The following LYST variants were observed in gnomAD, a reference collection of about 807,000 sequenced individuals.
LYST encodes the protein lysosomal-trafficking regulator.
A neutral mutation model predicts 413.6 loss-of-function variants in LYST; 192 were observed. The observed-to-expected ratio is 0.46, with a 90% CI of 0.41 to 0.52. The LOEUF is 0.52. Ranked by LOEUF, LYST falls within the 20% of genes least tolerant of loss-of-function variation. The pLI is 0.00. For synonymous variants in LYST, 1,525 were observed against 1,567.3 expected (o/e 0.97, Z 0.64); for missense variants, 3,815 against 4,499.9 (o/e 0.85, Z 4.35).
rs986431615 is a variant in LYST at position 235,812,711 on chromosome 1, C to T, written c.283+260G>A. 2.4e-4 allele frequency among the ~76,000 whole-genome samples: 37 copies of T among 152,236 alleles called. 1 individual carries two copies. The highest frequency in any genetic ancestry group is 7.9e-4 in the African/African-American group (33 of 41,540). The stretch of plus-strand genomic sequence containing the variant: ...ATGTTATGCTGCACACCTAGACTCA[C>T]TCCTTCTGATAAGTGTTTCTGCTTC... On this transcript the variant is annotated intron_variant, in intron 4 of 52. Transcript: ENST00000389793.
At position 235,697,423 on chromosome 1, in the gene LYST, C is replaced by T; in HGVS notation, c.10375-151G>A. On this transcript the variant is annotated intron_variant, in intron 45 of 52. Coordinates refer to ENST00000389793, the MANE Select transcript of LYST (RefSeq NM_000081.4). ...TTATTTTACGCATTTTTTTTTACTT[C>T]CCCATGCTTAGCGTATAGAAATATT... 9.5e-6 allele frequency: 6 copies of T among 630,400 alleles called. 1 individual carries two copies. The South Asian group carries it at 1.1e-4, about 11-fold the overall frequency. 39.1% of individuals were successfully genotyped at this position (630,400 alleles called of 1,614,324 possible).
At chr1:235,820,470 G>C (rs2102947750) in intron 3 of LYST, among the ~76,000 whole-genome samples, 1 of 151,854 alleles carries the variant, frequency 6.6e-6, no homozygotes, top group East Asian at 1.9e-4. Flanking sequence ...CCCAGGCTCA[G>C]GCGATCCTCC....
At position 235,733,898 on chromosome 1, in the gene LYST, CT is replaced by C; in HGVS notation, c.8543del (p.Lys2848ArgfsTer9). The C allele has an allele frequency of 1.3e-6, 2 of 1,560,678 alleles. No homozygotes were observed. Among genetic ancestry groups the C allele is most frequent in the Non-Finnish European group, 1.8e-6 (2 of 1,132,696 alleles). ...DLIKMIKEEQ[K>X]KYETEEGVNK... ...TCACTCCTTCTTCAGTTTCATATTTCTTTTGTTCCTAGAAGATTTAGATAAT... is the reference window on the plus strand; with the variant it reads ...TCACTCCTTCTTCAGTTTCATATTTCTTTGTTCCTAGAAGATTTAGATAAT... On this transcript the variant is annotated frameshift_variant, in exon 33 of 53. Transcript: ENST00000389793. LOFTEE classifies it high-confidence loss of function.
chr1:235,766,783 C>T (rs1668188060), intron 20 of LYST, among the ~76,000 whole-genome samples: 1 of 152,090 alleles, frequency 6.6e-6, no homozygotes, highest in Admixed American at 6.6e-5. Context: ...ACAATCACTA[C>T]TATTACTACT....
intron 14 of LYST, among the ~76,000 whole-genome samples, chr1:235,783,915 T>C (rs1670138244): frequency 6.6e-6 from 1 of 151,966 alleles, no homozygotes; most frequent in Admixed American, 6.6e-5. Flanking sequence ...GGTCTCGCTC[T>C]GTCACCCAGG....
intron 1 of LYST, among the ~76,000 whole-genome samples, chr1:235,846,787 G>A (rs558750796): frequency 3.3e-5 from 5 of 152,086 alleles, no homozygotes; most frequent in Middle Eastern, 6.8e-3. Flanking sequence ...TTCAGAGCTC[G>A]AAGACAAGGT....
At chr1:235,734,693 G>A (rs754220302) in intron 31 of LYST, 34 bp from the exon 32 acceptor site, 19 of 1,427,866 alleles carry the variant, frequency 1.3e-5, no homozygotes, top group Non-Finnish European at 1.9e-5. Context: ...TAGTCATTTA[G>A]AATTTTAATT....
intron 1 of LYST, among the ~76,000 whole-genome samples, chr1:235,876,521 G>C (rs2103237537): frequency 6.6e-6 from 1 of 152,300 alleles, no homozygotes; most frequent in African/African-American, 2.4e-5. Flanking sequence ...ATAAATAGTT[G>C]AATGAATTCT....
intron 3 of LYST, among the ~76,000 whole-genome samples, chr1:235,817,597 G>C (rs1055773282): frequency 1.4e-4 from 21 of 152,070 alleles, no homozygotes; most frequent in Non-Finnish European, 5.9e-5. Flanking sequence ...CATTATCCTA[G>C]GTGAACTAAC....
In LYST at chr1:235,731,219, A is replaced by G; in HGVS notation, c.8802-42T>C. ...TAAAGGGTGTTTTAAGTGACCATCC[A>G]GGACTTGTAGCTATAAAAAAAATCA... is the stretch of plus-strand genomic sequence containing the variant. On this transcript the variant is annotated intron_variant, in intron 34 of 52. Transcript: ENST00000389793. The G allele has an allele frequency of 1.9e-6, 3 of 1,582,294 alleles. No homozygotes were observed. The South Asian group carries it at 3.3e-5, about 17-fold the overall frequency.
At chr1:235,783,441 G>A (rs1323451890) in intron 14 of LYST, among the ~76,000 whole-genome samples, 1 of 151,748 alleles carries the variant, frequency 6.6e-6, no homozygotes, top group South Asian at 2.1e-4. Context: ...GAGAACATAC[G>A]GACACAGGGA....
chr1:235,876,818 C>T (rs1379798420), intron 1 of LYST, among the ~76,000 whole-genome samples: 1 of 152,188 alleles, frequency 6.6e-6, no homozygotes, highest in Non-Finnish European at 1.5e-5. Flanking sequence ...TAGCATGGTC[C>T]ACTTTAAGCC....
Position 235,706,711 on chromosome 1 carries a change from T to C in LYST, c.10143+2380A>G, listed in dbSNP as rs144888090. Reference sequence around the variant, plus strand: ...AAGTTGTTATTCACCAATGAAACTATATTATTCTCCTTTTTTAGAATGAAC... The same window carrying C: ...AAGTTGTTATTCACCAATGAAACTACATTATTCTCCTTTTTTAGAATGAAC... On this transcript the variant is annotated intron_variant, in intron 44 of 52. Transcript: ENST00000389793. Among the ~76,000 whole-genome samples, 128 of 152,332 alleles carry C rather than the reference T, an allele frequency of 8.4e-4. No individual in the cohort carries two copies. The Middle Eastern group carries it at 0.01, about 12-fold the overall frequency.
At chr1:235,737,935 C>G in intron 31 of LYST, 13 of 1,233,724 alleles carry the variant, frequency 1.1e-5, no homozygotes, top group East Asian at 3.5e-5. Context: ...CTCACTGCCG[C>G]GTGCCCCAAC....
intron 1 of LYST, among the ~76,000 whole-genome samples, chr1:235,882,315 G>A (rs1681415555): frequency 6.6e-6 from 1 of 152,246 alleles, no homozygotes; most frequent in Admixed American, 6.5e-5. Context: ...GGTGATGACA[G>A]TCCTGGACTC....
In LYST at chr1:235,712,062, C is replaced by A. The variant is rs756381548; in HGVS notation, c.9920G>T (p.Arg3307Leu). The stretch of plus-strand genomic sequence containing the variant: ...AAAATAATTTATTGCTATACCTTCA[C>A]GGTTAACTAGGAACTCTGGAAGATA... ...FFYLPEFLVN[R>L]EGFDFGVRQN... is the part of the protein sequence containing the mutation. The change falls in exon 43 of 53, where the codon CGT (arginine) becomes CTT (leucine). Residue 3307 changes from arginine to leucine, a missense_variant. Physicochemically the swap from Arg to Leu is moderately radical, Grantham distance 102. Transcript: ENST00000389793. 4.7e-5 allele frequency: 73 copies of A among 1,537,228 alleles called. No individual in the cohort carries two copies. The highest frequency in any genetic ancestry group is 6.1e-5 in the Non-Finnish European group (69 of 1,136,756).
intron 14 of LYST, 35 bp downstream of exon 14, chr1:235,787,165 G>A: frequency 6.6e-7 from 1 of 1,520,556 alleles, no homozygotes; most frequent in Non-Finnish European, 9.1e-7. Flanking sequence ...CATTGTAACT[G>A]AGATTGAGAT....
chr1:235,663,649 C>T (rs1367463507), intron 52 of LYST, among the ~76,000 whole-genome samples: 1 of 152,178 alleles, frequency 6.6e-6, no homozygotes, highest in Admixed American at 6.5e-5. Context: ...GATTATTTAT[C>T]TATTTTGTCA....
Position 235,809,330 on chromosome 1 carries a change from A to G in LYST, c.1488T>C (p.Cys496=). 1.9e-6 allele frequency: 3 copies of G among 1,614,080 alleles called. No individual in the cohort carries two copies. The highest frequency in any genetic ancestry group is 2.5e-6 in the Non-Finnish European group (3 of 1,179,976). The change falls in exon 5 of 53, where the codon TGT becomes TGC. Residue 496 remains cysteine (C), a synonymous_variant. Coordinates refer to ENST00000389793, the MANE Select transcript of LYST (RefSeq NM_000081.4). This position sits in a 1 kb window ranked among gnomAD's most constrained non-coding sequence, Gnocchi z 4.0. ...CACATCGTCTGTGCCTTTTTCTTGTACACATCGAATGATGAAGTTGCTCTG... is the reference window on the plus strand; with the variant it reads ...CACATCGTCTGTGCCTTTTTCTTGTGCACATCGAATGATGAAGTTGCTCTG... ...VKSEQLHHSM[C]TRKRHRRCEY...
Sources: gnomAD v4.1 joint callset for allele counts (sites outside exome capture counted in the v4.1 genomes callset) on GRCh38, gnomAD v4.1.1 for gene constraint, Gnocchi (gnomAD v3.1) non-coding constraint, MANE v1.5 for transcripts, NCBI Gene and HGNC (gene_info 2026-07-23, HGNC 2026-07-21) for gene names.